The following ADAM20 variants were observed in gnomAD, a reference collection of about 807,000 sequenced individuals.
ADAM20 encodes disintegrin and metalloproteinase domain-containing protein 20.
For missense variants in ADAM20, 871 were observed against 883.2 expected (o/e 0.99, Z 0.18); for synonymous variants, 305 against 310.2 (o/e 0.98, Z 0.18).
the ADAM20 span, among the ~76,000 whole-genome samples, chr14:70,560,094 T>A: frequency 6.6e-6 from 1 of 152,164 alleles, no homozygotes; most frequent in South Asian, 2.1e-4. Flanking sequence ...CAATATAAAA[T>A]TTATTAAAAG....
At chr14:70,558,066 A>T in the ADAM20 span, among the ~76,000 whole-genome samples, 1 of 152,222 alleles carries the variant, frequency 6.6e-6, no homozygotes, top group Non-Finnish European at 1.5e-5. Context: ...CTGTGGATAT[A>T]CCCTTTAACC....
At chr14:70,561,981 T>G in the ADAM20 span, among the ~76,000 whole-genome samples, 1 of 152,312 alleles carries the variant, frequency 6.6e-6, no homozygotes, top group East Asian at 1.9e-4. Flanking sequence ...ACTGGGGCAC[T>G]GCCTAGTGGA....
At chr14:70,555,367 A>C in the ADAM20 span, among the ~76,000 whole-genome samples, 8 of 152,248 alleles carry the variant, frequency 5.3e-5, no homozygotes, top group South Asian at 8.3e-4. Flanking sequence ...GTGTATATCA[A>C]ATCATCAAGT....
the ADAM20 span, among the ~76,000 whole-genome samples, chr14:70,579,050 T>C: frequency 6.6e-6 from 1 of 152,188 alleles, no homozygotes; most frequent in African/African-American, 2.4e-5. Flanking sequence ...TAGTATTCCA[T>C]GGTGTATAGG....
chr14:70,553,994 T>C, the ADAM20 span, among the ~76,000 whole-genome samples: 14 of 152,274 alleles, frequency 9.2e-5, no homozygotes, highest in African/African-American at 3.4e-4. Context: ...AGAAGTCAAA[T>C]GATTATTGTT....
the ADAM20 span, among the ~76,000 whole-genome samples, chr14:70,574,496 C>T: frequency 4.0e-5 from 6 of 151,854 alleles, no homozygotes; most frequent in Non-Finnish European, 7.4e-5. Flanking sequence ...AAAAATTAGC[C>T]GGGCATGGTG....
chr14:70,577,663 G>A, the ADAM20 span, among the ~76,000 whole-genome samples: 2 of 152,250 alleles, frequency 1.3e-5, no homozygotes, highest in African/African-American at 4.8e-5. Flanking sequence ...CAAAACTACA[G>A]TAATCAAAAA....
chr14:70,544,012 C>T, the ADAM20 span, among the ~76,000 whole-genome samples: 2 of 152,110 alleles, frequency 1.3e-5, no homozygotes, highest in Non-Finnish European at 2.9e-5. Context: ...AACATTCCAA[C>T]CATAAGATAA....
the ADAM20 span, among the ~76,000 whole-genome samples, chr14:70,549,265 G>A: frequency 2.6e-4 from 21 of 79,328 alleles, 1 homozygote; most frequent in Non-Finnish European, 3.6e-4. Context: ...AAAATCACCA[G>A]CTAACATCAT....
the ADAM20 span, among the ~76,000 whole-genome samples, chr14:70,568,002 G>A: frequency 6.6e-6 from 1 of 152,046 alleles, no homozygotes; most frequent in African/African-American, 2.4e-5. Flanking sequence ...GTCAACACAG[G>A]TGCTACCACT....
the ADAM20 span, among the ~76,000 whole-genome samples, chr14:70,573,470 A>G: frequency 1.3e-5 from 2 of 152,130 alleles, no homozygotes; most frequent in African/African-American, 4.8e-5. Context: ...AAAACTACCT[A>G]TTGGGTACTA....
At chr14:70,561,733 T>C in the ADAM20 span, among the ~76,000 whole-genome samples, 52 of 152,188 alleles carry the variant, frequency 3.4e-4, no homozygotes, top group Non-Finnish European at 7.2e-4. Flanking sequence ...ACAGCTCGGG[T>C]CATGGCTTCA....
the ADAM20 span, among the ~76,000 whole-genome samples, chr14:70,577,029 C>T: frequency 6.6e-6 from 1 of 152,110 alleles, no homozygotes; most frequent in African/African-American, 2.4e-5. Context: ...GGTACAAGAA[C>T]AAGCATTCAA....
At chr14:70,554,571 C>A in the ADAM20 span, among the ~76,000 whole-genome samples, 1 of 152,092 alleles carries the variant, frequency 6.6e-6, no homozygotes, top group African/African-American at 2.4e-5. Context: ...TATTATTCAG[C>A]CTTAACAAAG....
chr14:70,532,844 T>C (rs1883742898), intron 1 of ADAM20, among the ~76,000 whole-genome samples: 1 of 152,112 alleles, frequency 6.6e-6, no homozygotes. Context: ...TTTTTCAAAA[T>C]ACAAAGTTGG....
chr14:70,576,663 G>T, the ADAM20 span, among the ~76,000 whole-genome samples: 1 of 152,112 alleles, frequency 6.6e-6, no homozygotes, highest in African/African-American at 2.4e-5. Context: ...CATGTGCATG[G>T]AGTAATTCAC....
At chr14:70,553,333 C>A in the ADAM20 span, among the ~76,000 whole-genome samples, 67 of 49,526 alleles carry the variant, frequency 1.4e-3, no homozygotes, top group East Asian at 2.4e-3. Flanking sequence ...AAAAAAAAAA[C>A]TAGTAGCAGA....
chr14:70,562,922 T>C, the ADAM20 span, among the ~76,000 whole-genome samples: 5 of 152,244 alleles, frequency 3.3e-5, no homozygotes, highest in Non-Finnish European at 7.3e-5. Context: ...TATATGTTTC[T>C]GAGTAAGAAT....
At chr14:70,533,761 A>AT (rs200534395) in intron 1 of ADAM20, among the ~76,000 whole-genome samples, 4 of 147,658 alleles carry the variant, frequency 2.7e-5, no homozygotes, top group African/African-American at 4.9e-5. Flanking sequence ...AGAACTTAAA[A>AT]TTTAAAAAAA....
Sources: allele counts gnomAD v4.1 joint callset (sites outside exome capture counted in the v4.1 genomes callset), GRCh38; gene constraint gnomAD v4.1.1; transcripts MANE v1.5; gene names NCBI Gene and HGNC (gene_info 2026-07-23, HGNC 2026-07-21).